Variants in FLI1 observed in about 807,000 individuals in gnomAD.
The protein encoded by FLI1 is Friend leukemia integration 1 transcription factor.
Under a neutral mutation model 53.1 loss-of-function variants are expected in FLI1, and 13 were observed. The observed-to-expected ratio is 0.24, with a 90% CI of 0.16 to 0.39. The LOEUF (loss-of-function observed/expected upper bound fraction) is 0.39. Ranked by LOEUF, FLI1 falls within the 10% of genes least tolerant of loss-of-function variation. The probability of loss-of-function intolerance (pLI) is 1.00; values close to 1 mark genes in which losing one functional copy is unlikely to be tolerated. For synonymous variants in FLI1, 244 were observed against 236.7 expected, an observed-to-expected ratio of 1.03 and a Z score of -0.28; for missense variants, 424 against 600.5, an observed-to-expected ratio of 0.71 and a Z score of 3.07.
At chr11:128,752,845 A>G (rs890813692) in intron 1 of FLI1, among the ~76,000 whole-genome samples, 4 of 152,238 alleles carry the variant, frequency 2.6e-5, no homozygotes, top group African/African-American at 4.8e-5. Flanking sequence ...GGTGTATTAT[A>G]TCATGTACTA....
At chr11:128,685,701 G>C (rs4573690), upstream of FLI1, among the ~76,000 whole-genome samples, 123,581 of 123,654 alleles carry the variant, frequency 1, 61,755 homozygotes, top group South Asian at 1. Flanking sequence ...CTTGTGGCTT[G>C]AGGAGCCAAA....
At chr11:128,707,031 A>G (rs1220507944) in intron 1 of FLI1, among the ~76,000 whole-genome samples, 10 of 152,212 alleles carry the variant, frequency 6.6e-5, no homozygotes, top group Non-Finnish European at 1.2e-4. Context: ...CTCAGAAACT[A>G]TGTGGCATGA....
At chr11:128,717,992 G>A (rs1291101018) in intron 1 of FLI1, among the ~76,000 whole-genome samples, 1 of 152,224 alleles carries the variant, frequency 6.6e-6, no homozygotes, top group Non-Finnish European at 1.5e-5. Context: ...GATGTTGTGT[G>A]TATAGGGAGT....
intron 1 of FLI1, among the ~76,000 whole-genome samples, chr11:128,700,053 C>G (rs1337797904): frequency 6.6e-6 from 1 of 152,200 alleles, no homozygotes; most frequent in South Asian, 2.1e-4. Flanking sequence ...CAGAGCACAG[C>G]AAGTGTTACC....
At chr11:128,714,508 G>A (rs1228854041) in intron 1 of FLI1, among the ~76,000 whole-genome samples, 1 of 152,198 alleles carries the variant, frequency 6.6e-6, no homozygotes, top group Non-Finnish European at 1.5e-5. Context: ...TCTGGTCTAA[G>A]ATTCTAGAGA....
intron 5 of FLI1, among the ~76,000 whole-genome samples, chr11:128,798,183 G>T (rs1300630937): frequency 6.6e-6 from 1 of 152,172 alleles, no homozygotes; most frequent in Non-Finnish European, 1.5e-5. Flanking sequence ...TAAGAAGTAT[G>T]CAATTTAGTT....
chr11:128,796,405 T>C (rs1942445794), intron 5 of FLI1, among the ~76,000 whole-genome samples: 1 of 152,208 alleles, frequency 6.6e-6, no homozygotes, highest in African/African-American at 2.4e-5. Flanking sequence ...AGTCATAATT[T>C]CAATTTCTAT....
intron 2 of FLI1, among the ~76,000 whole-genome samples, chr11:128,758,998 A>G (rs1941004602): frequency 1.3e-5 from 2 of 152,358 alleles, no homozygotes; most frequent in Admixed American, 6.5e-5. Context: ...GAAACCCCTC[A>G]GAGCACCAGC....
chr11:128,709,582 C>T (rs149887312), intron 1 of FLI1, among the ~76,000 whole-genome samples: 4 of 152,232 alleles, frequency 2.6e-5, no homozygotes, highest in East Asian at 1.9e-4. Flanking sequence ...GGGGGGTTTA[C>T]GTAAAAACCG....
chr11:128,711,880 A>T (rs1938795979), intron 1 of FLI1, among the ~76,000 whole-genome samples: 1 of 152,236 alleles, frequency 6.6e-6, no homozygotes, highest in Non-Finnish European at 1.5e-5. Flanking sequence ...AAAGCACTTT[A>T]ATTTAGCAAA....
intron 1 of FLI1, among the ~76,000 whole-genome samples, chr11:128,726,762 A>G (rs191768211): frequency 6.6e-6 from 1 of 152,338 alleles, no homozygotes; most frequent in Non-Finnish European, 1.5e-5. Flanking sequence ...TTAATGAAGG[A>G]CAGCCAGAGG....
At chr11:128,702,816 C>T (rs1260391527) in intron 1 of FLI1, among the ~76,000 whole-genome samples, 2 of 149,996 alleles carry the variant, frequency 1.3e-5, no homozygotes, top group East Asian at 2.0e-4. Context: ...GAGCCAAGAT[C>T]GTGCCTCTGC....
intron 2 of FLI1, among the ~76,000 whole-genome samples, chr11:128,758,543 C>T (rs1398247103): frequency 3.3e-5 from 5 of 152,138 alleles, no homozygotes; most frequent in East Asian, 1.9e-4. Context: ...CTGGGGCCCA[C>T]GAAGCCCTCA....
At chr11:128,691,183 G>A (rs958130627), upstream of FLI1, among the ~76,000 whole-genome samples, 20 of 152,356 alleles carry the variant, frequency 1.3e-4, no homozygotes, top group African/African-American at 4.8e-4. Flanking sequence ...TGAAAACAAT[G>A]TGAGCTGCCA....
intron 5 of FLI1, among the ~76,000 whole-genome samples, chr11:128,800,194 T>C (rs1942587876): frequency 6.6e-6 from 1 of 152,168 alleles, no homozygotes. Flanking sequence ...TGAGCAGCCT[T>C]GCCCATTGCT....
chr11:128,798,046 C>T (rs576646484), intron 5 of FLI1, among the ~76,000 whole-genome samples: 7 of 152,216 alleles, frequency 4.6e-5, no homozygotes, highest in African/African-American at 1.7e-4. Context: ...CTATGAGGGT[C>T]GGAGCAGGGC....
chr11:128,763,869 A>T (rs1398864318), intron 2 of FLI1, among the ~76,000 whole-genome samples: 1 of 152,194 alleles, frequency 6.6e-6, no homozygotes, highest in African/African-American at 2.4e-5. Context: ...TTTTCTTGGA[A>T]TTTGCTTTTA....
intron 5 of FLI1, among the ~76,000 whole-genome samples, chr11:128,785,984 A>C (rs1005806894): frequency 3.3e-5 from 5 of 152,252 alleles, no homozygotes; most frequent in African/African-American, 1.2e-4. Flanking sequence ...AAATGGTTAA[A>C]ATGGTAAGTT....
upstream of FLI1, chr11:128,692,596 G>A (rs915610161): frequency 1.3e-5 from 2 of 152,352 alleles, no homozygotes; most frequent in African/African-American, 4.8e-5. Context: ...GGGAGGGAGG[G>A]AGACGAGTGA....
Sources: allele counts gnomAD v4.1 joint callset (sites outside exome capture counted in the v4.1 genomes callset), GRCh38; gene constraint gnomAD v4.1.1; transcripts MANE v1.5; gene names NCBI Gene and HGNC (gene_info 2026-07-23, HGNC 2026-07-21).